The following MYCBP2 variants were observed in gnomAD, a reference collection of about 807,000 sequenced individuals.
MYCBP2 encodes the protein MYC binding protein 2.
Under a neutral mutation model 525.3 loss-of-function variants are expected in MYCBP2, and 120 were observed. The ratio of observed to expected loss-of-function variants is 0.23; its 90% CI spans 0.20 to 0.27. The LOEUF (loss-of-function observed/expected upper bound fraction) is 0.27, where lower values mean the gene tolerates loss of function less well. Ranked by LOEUF, MYCBP2 falls within the 10% of genes least tolerant of loss-of-function variation. The probability of loss-of-function intolerance (pLI) is 1.00; values close to 1 mark genes in which losing one functional copy is unlikely to be tolerated. For missense variants in MYCBP2, 4,149 were observed against 5,657.1 expected (o/e 0.73, Z 8.55); for synonymous variants, 1,894 against 1,955.8 (o/e 0.97, Z 0.83).
At chr13:77,164,074 C>T (rs1035286369) in intron 43 of MYCBP2, among the ~76,000 whole-genome samples, 6 of 152,184 alleles carry the variant, frequency 3.9e-5, no homozygotes, top group East Asian at 1.9e-4. Flanking sequence ...ACATTTCTAT[C>T]GACCTGTTCT....
chr13:77,200,826 A>C (rs2062434549), intron 26 of MYCBP2, among the ~76,000 whole-genome samples: 1 of 152,152 alleles, frequency 6.6e-6, no homozygotes, highest in Non-Finnish European at 1.5e-5. Context: ...AAAATACTTT[A>C]CAGACAAGCA....
rs774770250 is a variant in MYCBP2, at chr13:77,067,560, A to C, written c.12455+21T>G. On this transcript the variant is annotated intron_variant, in intron 71 of 82. Coordinates refer to ENST00000544440, the MANE Select transcript of MYCBP2 (RefSeq NM_015057.5). Reference sequence around the variant, plus strand: ...GCTCACTCTATTCTGTTTTGGTACTAAAATAGAGGCAATAACTAACCTGGA... The same window carrying C: ...GCTCACTCTATTCTGTTTTGGTACTCAAATAGAGGCAATAACTAACCTGGA... 7.4e-6 allele frequency: 12 copies of C among 1,612,016 alleles called. No individual in the cohort carries two copies. The South Asian group carries it at 1.2e-4, about 16-fold the overall frequency.
chr13:77,226,974 A>G (rs538114732), intron 18 of MYCBP2, among the ~76,000 whole-genome samples: 238 of 152,304 alleles, frequency 1.6e-3, no homozygotes, highest in African/African-American at 5.4e-3. Context: ...GGTTACCTAC[A>G]TTATATTTCA....
chr13:77,060,322 G>A (rs1338692478), intron 76 of MYCBP2, among the ~76,000 whole-genome samples: 1 of 152,190 alleles, frequency 6.6e-6, no homozygotes, highest in Non-Finnish European at 1.5e-5. Flanking sequence ...TACAAGGATG[G>A]TTTGACATTA....
chr13:77,304,475 G>C (rs1193132256), intron 1 of MYCBP2, among the ~76,000 whole-genome samples: 1 of 152,112 alleles, frequency 6.6e-6, no homozygotes, highest in Non-Finnish European at 1.5e-5. Context: ...GAGTAGCCAG[G>C]GGTTGGCTAA....
At chr13:77,069,877 A>G (rs1467606308) in intron 69 of MYCBP2, among the ~76,000 whole-genome samples, 1 of 151,980 alleles carries the variant, frequency 6.6e-6, no homozygotes, top group Non-Finnish European at 1.5e-5. Flanking sequence ...CGAAAAAAAA[A>G]AAAGTTAGAA....
intron 41 of MYCBP2, among the ~76,000 whole-genome samples, chr13:77,166,085 T>G (rs1284521933): frequency 1.3e-5 from 2 of 152,196 alleles, no homozygotes; most frequent in East Asian, 3.8e-4. Flanking sequence ...GTTAACACTC[T>G]GCTTTGCTCA....
At position 77,168,385 on chromosome 13, in the gene MYCBP2, T is replaced by C. The variant is rs757917214; in HGVS notation, c.6114+43A>G. On this transcript the variant is annotated intron_variant, in intron 40 of 82. Transcript: ENST00000544440. Reference sequence around the variant, plus strand: ...TTTAAGATATCATCAGAGAACCTCATGCCAAGTTTTACATTCGAATCACAC... The same window carrying C: ...TTTAAGATATCATCAGAGAACCTCACGCCAAGTTTTACATTCGAATCACAC... 53 of 1,547,278 alleles carry C rather than the reference T, an allele frequency of 3.4e-5. 1 individual carries two copies. The South Asian group carries it at 4.6e-4, about 13-fold the overall frequency.
At position 77,155,362 on chromosome 13, in the gene MYCBP2, C is replaced by T. The variant is rs116934611; in HGVS notation, c.6915+696G>A. On this transcript the variant is annotated intron_variant, in intron 46 of 82. Transcript: ENST00000544440. ...GGCTTAATCAGCTCTAAGCTTCAAA[C>T]AACCAATCACTCTATAAGACAACTT... Among the ~76,000 whole-genome samples the T allele has an allele frequency of 4.2e-3, 636 of 152,252 alleles. 5 individuals carry two copies. The highest frequency in any genetic ancestry group is 0.017 in the Middle Eastern group (5 of 294).
chr13:77,118,193 C>G, intron 55 of MYCBP2: 1 of 584,556 alleles, frequency 1.7e-6, no homozygotes, highest in East Asian at 2.8e-5. Context: ...CTCAGAATAG[C>G]TTAGATATTT....
intron 22 of MYCBP2, 102 bp downstream of exon 22, chr13:77,211,854 C>T (rs1056200134): frequency 2.1e-6 from 2 of 952,130 alleles, no homozygotes; most frequent in South Asian, 1.7e-5. Context: ...AGAAAGAAAA[C>T]AAAAAGCTAC....
intron 43 of MYCBP2, 120 bp from the exon 44 acceptor site, chr13:77,162,075 A>G (rs960382426): frequency 1.4e-6 from 1 of 691,422 alleles, no homozygotes; most frequent in Non-Finnish European, 2.4e-6. Context: ...CCAGATTGAA[A>G]AGATTTGTGA....
rs376787733 is a variant in MYCBP2 at position 77,151,379 on chromosome 13, G to T, written c.6916-430C>A. ...GTTTGAGCTGCACTGTTCTACAGAA[G>T]AAAATGTACTCTATTTATAGAAGTT... On this transcript the variant is annotated intron_variant, in intron 46 of 82. Transcript: ENST00000544440. 4.1e-4 allele frequency among the ~76,000 whole-genome samples: 62 copies of T among 152,248 alleles called. No individual in the cohort carries two copies. In the South Asian group the frequency reaches 8.7e-3, roughly 21 times the overall value.
At chr13:77,206,868 GT>G in intron 23 of MYCBP2, 43 bp from the exon 24 acceptor site, 4 of 1,468,638 alleles carry the variant, frequency 2.7e-6, no homozygotes, top group Non-Finnish European at 3.6e-6. Context: ...ATGTGGTTTT[GT>G]TTTTAAAAAA....
rs569637498 is a variant in MYCBP2, at chr13:77,175,734, G to A, written c.5472+763C>T. ...CCAGAACTTTGGGAGGCCAAGCGGA[G>A]TGGATCACTTGAGGGCAGGAGTTCG... On this transcript the variant is annotated intron_variant, in intron 36 of 82. Coordinates refer to ENST00000544440, the MANE Select transcript of MYCBP2 (RefSeq NM_015057.5). 3.3e-4 allele frequency among the ~76,000 whole-genome samples: 51 copies of A among 152,282 alleles called. No homozygotes were observed. The South Asian group carries it at 1.0e-2, about 30-fold the overall frequency.
Position 77,098,120 on chromosome 13 carries a change from C to G in MYCBP2, c.9034G>C (p.Gly3012Arg). The change falls in exon 56 of 83, where the codon GGA becomes CGA. Residue 3012 changes from glycine (G) to arginine (R), a missense_variant. Coordinates refer to ENST00000544440, the MANE Select transcript of MYCBP2 (RefSeq NM_015057.5). The part of the protein sequence containing the change: ...EKSSFLFKGD[G>R]SKPLEPAKQA... ...TTGGCTGGCTCTAAAGGCTTGGATC[C>G]ATCTCCTTTGAAAAGAAAACTCGAT... 1.2e-6 allele frequency: 2 copies of G among 1,613,620 alleles called. No homozygotes were observed. Among genetic ancestry groups the G allele is most frequent in the Non-Finnish European group, 1.7e-6 (2 of 1,179,770 alleles).
chr13:77,300,399 A>G (rs1234499126), intron 1 of MYCBP2, among the ~76,000 whole-genome samples: 1 of 152,258 alleles, frequency 6.6e-6, no homozygotes, highest in East Asian at 1.9e-4. Flanking sequence ...AGGAGTGTGC[A>G]TATATTACAA....
intron 24 of MYCBP2, 101 bp from the exon 25 acceptor site, chr13:77,205,699 T>G: frequency 1.0e-6 from 1 of 980,106 alleles, no homozygotes; most frequent in South Asian, 2.0e-5. Flanking sequence ...ATAAATAAAC[T>G]CAGAATGTTA....
chr13:77,156,066 T>C lies in MYCBP2; in HGVS notation c.6907A>G (p.Asn2303Asp), dbSNP rs2057178619. The change falls in exon 46 of 83, where the codon AAT (asparagine) becomes GAT (aspartate). Residue 2303 changes from asparagine (N) to aspartate (D), a missense_variant. Asn to Asp is a conservative substitution (Grantham distance 23, BLOSUM62 1). Around this residue, in one of 21 missense-constraint regions of MYCBP2, gnomAD observed 692 missense variants for 852.7 expected, o/e 0.81. Transcript: ENST00000544440. ...AATCCAGTTATAATTACCTTCATAT[T>C]GGGAACATGTACCACATCCCCATAC... ...DQYGDVVHVPNMKVEVKAVPV... is the reference protein window; with the variant it reads ...DQYGDVVHVPDMKVEVKAVPV... 2 of 1,612,132 alleles carry C rather than the reference T, an allele frequency of 1.2e-6. No homozygotes were observed. Among genetic ancestry groups the C allele is most frequent in the Non-Finnish European group, 1.7e-6 (2 of 1,178,956 alleles).
Sources: allele counts gnomAD v4.1 joint callset (sites outside exome capture counted in the v4.1 genomes callset), GRCh38; gene constraint gnomAD v4.1.1; regional missense constraint gnomAD v4.1.1; transcripts MANE v1.5; gene names NCBI Gene and HGNC (gene_info 2026-07-23, HGNC 2026-07-21).